PTPRH: variants seen among roughly 807,000 people sequenced by gnomAD.
PTPRH encodes receptor-type tyrosine-protein phosphatase H.
In PTPRH, 113 loss-of-function variants were observed where a neutral mutation model predicts 130.2. The ratio of observed to expected loss-of-function variants is 0.87; its 90% CI spans 0.75 to 1.01. PTPRH has a LOEUF of 1.01. PTPRH is among the 50% of genes least tolerant of loss of function. The pLI is 0.00. For missense variants in PTPRH, 1,430 were observed against 1,425.0 expected, an observed-to-expected ratio of 1.00 and a Z score of -0.06; for synonymous variants, 556 against 577.9, an observed-to-expected ratio of 0.96 and a Z score of 0.54.
intron 15 of PTPRH, 37 bp downstream of exon 15, chr19:55,186,427 G>C (rs111326663): frequency 0.099 from 159,529 of 1,613,530 alleles, 8,790 homozygotes; most frequent in African/African-American, 0.18. Context: ...CTCTCCAGGC[G>C]TGCTGGGCAC....
At position 55,188,180 on chromosome 19, in the gene PTPRH, G is replaced by T. The variant is rs1049086032; in HGVS notation, c.2385-12C>A. The T allele has an allele frequency of 1.2e-6, 2 of 1,606,186 alleles. No individual in the cohort carries two copies. Among genetic ancestry groups the T allele is most frequent in the Non-Finnish European group, 1.7e-6 (2 of 1,172,862 alleles). On this transcript the variant is annotated splice_polypyrimidine_tract_variant and intron_variant, in intron 12 of 19. Coordinates refer to ENST00000376350, the MANE Select transcript of PTPRH (RefSeq NM_002842.5). ...TGTCCCCTGGGGAGCTACGGGTTTT[G>T]GGGGAGCAGGGAGAAAAGACCGTAA...
rs762618912 is a variant in PTPRH, at chr19:55,206,751, CACGTAT to C, written c.284_289del (p.Tyr95_Thr96del). 7.0e-5 allele frequency: 113 copies of C among 1,614,028 alleles called. No individual in the cohort carries two copies. The East Asian group carries it at 2.4e-3, about 34-fold the overall frequency. ...TCCGTCTTTCTCCACCCACACAGAA[CACGTAT>C]ACAATGACCCGGGTCCAAGGCCATC... On this transcript the variant is annotated inframe_deletion, in exon 3 of 20. Coordinates refer to ENST00000376350, the MANE Select transcript of PTPRH (RefSeq NM_002842.5).
At chr19:55,187,313 C>A (rs2086379535) in intron 14 of PTPRH, among the ~76,000 whole-genome samples, 200 bp downstream of exon 14, 1 of 128,856 alleles carries the variant, frequency 7.8e-6, no homozygotes, top group Admixed American at 8.5e-5. Flanking sequence ...CCACTGCACT[C>A]CAGCCTGGGT....
rs376260119 is a variant in PTPRH at position 55,187,448 on chromosome 19, G to A, written c.2566+65C>T. ...TGTTTCTCAAAGCGGGTAGGAGAAGGGGACTGGGGTGGGGTGCCGACTAGA... is the reference window on the plus strand; with the variant it reads ...TGTTTCTCAAAGCGGGTAGGAGAAGAGGACTGGGGTGGGGTGCCGACTAGA... On this transcript the variant is annotated intron_variant, in intron 14 of 19. Coordinates refer to ENST00000376350, the MANE Select transcript of PTPRH (RefSeq NM_002842.5). 7 of 1,332,676 alleles carry A rather than the reference G, an allele frequency of 5.3e-6. No individual in the cohort carries two copies. In the African/African-American group the frequency reaches 8.7e-5, roughly 17 times the overall value. 82.6% of individuals were successfully genotyped at this position (1,332,676 alleles called of 1,614,324 possible). A position where few individuals can be genotyped will look rare whatever the true frequency, so the allele number is the denominator to read the frequency against.
chr19:55,209,358 C>A lies in PTPRH; in HGVS notation c.51+25G>T, dbSNP rs2087168770. 3.9e-6 allele frequency: 6 copies of A among 1,557,834 alleles called. No individual in the cohort carries two copies. The highest frequency in any genetic ancestry group is 1.7e-4 in the Middle Eastern group (1 of 5,990). On this transcript the variant is annotated intron_variant, in intron 1 of 19. Coordinates refer to ENST00000376350, the MANE Select transcript of PTPRH (RefSeq NM_002842.5). This position sits in a 1 kb window ranked among gnomAD's most constrained non-coding sequence, Gnocchi z 4.1. ...GACCTGGGAGTCCCTGCCTTGGGAG[C>A]CCGCTCTGGGCGGGGAGCACTTACC...
intron 14 of PTPRH, 100 bp from the exon 15 acceptor site, chr19:55,186,640 A>ACAGGCAGTG (rs1555875420): frequency 8.7e-7 from 1 of 1,155,872 alleles, no homozygotes; most frequent in Non-Finnish European, 1.2e-6. Context: ...AGACAAGACC[A>ACAGGCAGTG]AGACCCATGG....
chr19:55,186,624 G>A, intron 14 of PTPRH, 84 bp from the exon 15 acceptor site: 2 of 1,469,982 alleles, frequency 1.4e-6, no homozygotes, highest in South Asian at 1.2e-5. Flanking sequence ...ACCCAGAGAG[G>A]CACAGAGACA....
chr19:55,209,240 C>T lies in PTPRH; in HGVS notation c.51+143G>A, dbSNP rs2087166351. On this transcript the variant is annotated intron_variant, in intron 1 of 19. Coordinates refer to ENST00000376350, the MANE Select transcript of PTPRH (RefSeq NM_002842.5). This position sits in a 1 kb window ranked among gnomAD's most constrained non-coding sequence, Gnocchi z 4.1. ...CAGGTGTAAGACTCTCCTACAGTCT[C>T]TGCCAAGCCTGAAGCCCTCTTCCTT... The T allele has an allele frequency of 1.3e-6, 1 of 750,046 alleles. No individual in the cohort carries two copies. The highest frequency in any genetic ancestry group is 2.3e-6 in the Non-Finnish European group (1 of 429,882). 46.5% of individuals were successfully genotyped at this position (750,046 alleles called of 1,614,324 possible). A position where few individuals can be genotyped will look rare whatever the true frequency, so the allele number is the denominator to read the frequency against.
Position 55,198,911 on chromosome 19 carries a change from G to T in PTPRH, c.1422C>A (p.Val474=), listed in dbSNP as rs773617554. ...TGCTGAGGCTTGTCACTGCGTTGGGGACTGGGAGAGGGAGCAGAGTCAGGA... is the reference window on the plus strand; with the variant it reads ...TGCTGAGGCTTGTCACTGCGTTGGGTACTGGGAGAGGGAGCAGAGTCAGGA... The part of the protein sequence containing the change: ...GSRQNVSIST[V]PNAVTSLSKQ... The change falls in exon 8 of 20, where the codon GTC becomes GTA. Residue 474 remains valine (V), a splice_region_variant and synonymous_variant. Transcript: ENST00000376350. The T allele has an allele frequency of 6.6e-5, 99 of 1,508,932 alleles. No individual in the cohort carries two copies. The highest frequency in any genetic ancestry group is 8.3e-5 in the Non-Finnish European group (93 of 1,125,974). 93.5% of individuals were successfully genotyped at this position (1,508,932 alleles called of 1,614,324 possible).
chr19:55,186,347 G>A lies in PTPRH; in HGVS notation c.2656C>T (p.Pro886Ser). Reference protein sequence around the residue: ...NASFMPGLWSPQEFIATQGPL... With the variant: ...NASFMPGLWSSQEFIATQGPL... ...CCCTGGGTTGCAATGAACTCCTGGGGGCTCCAGAGACCCTGGTTGAGGAAG... is the reference window on the plus strand; with the variant it reads ...CCCTGGGTTGCAATGAACTCCTGGGAGCTCCAGAGACCCTGGTTGAGGAAG... Residue 886 changes from proline to serine, a missense_variant, in exon 16 of 20, where the codon CCC (proline) becomes TCC (serine). Physicochemically the swap from Pro to Ser is moderately conservative, Grantham distance 74. Transcript: ENST00000376350. The A allele has an allele frequency of 6.2e-7, 1 of 1,613,840 alleles. No homozygotes were observed. Among genetic ancestry groups the A allele is most frequent in the Non-Finnish European group, 8.5e-7 (1 of 1,179,868 alleles).
At position 55,198,651 on chromosome 19, in the gene PTPRH, G is replaced by T. The variant is rs1028422816; in HGVS notation, c.1682C>A (p.Ala561Glu). The T allele has an allele frequency of 6.2e-7, 1 of 1,603,976 alleles. No individual in the cohort carries two copies. Among genetic ancestry groups the T allele is most frequent in the Non-Finnish European group, 8.5e-7 (1 of 1,173,850 alleles). Residue 561 changes from alanine to glutamate, a missense_variant, in exon 8 of 20, where the codon GCA becomes GAA. Ala to Glu is a moderately radical substitution (Grantham distance 107). Transcript: ENST00000376350. ...AACCGACTGTGTCTCACCAGTGGCT[G>T]CAGTGAGGGTGCTGTTATAGCCTCT... The part of the protein sequence containing the change: ...EVRGYNSTLT[A>E]ATAPNEVTDL...
rs112947122 is a variant in PTPRH at position 55,202,394 on chromosome 19, A to G, written c.887-72T>C. 3.9e-3 allele frequency: 6,223 copies of G among 1,581,550 alleles called. 186 individuals carry two copies. In the African/African-American group the frequency reaches 0.068, roughly 17 times the overall value. On this transcript the variant is annotated intron_variant, in intron 5 of 19. Transcript: ENST00000376350. ...CAAACTTTCCAGCCCTTCCTTAACC[A>G]TTGCATCCAGCAGGTGGAGGCAGGG... is the stretch of plus-strand genomic sequence containing the variant.
intron 7 of PTPRH, 69 bp from the exon 8 acceptor site, chr19:55,198,981 G>A (rs1011037008): frequency 6.6e-5 from 91 of 1,370,942 alleles, no homozygotes; most frequent in Non-Finnish European, 7.9e-5. Context: ...ACAGTGATAC[G>A]CCCTGTCCTT....
intron 7 of PTPRH, 114 bp downstream of exon 7, chr19:55,200,122 A>T (rs1279197521): frequency 3.3e-6 from 4 of 1,205,670 alleles, no homozygotes; most frequent in Non-Finnish European, 3.5e-6. Context: ...TTGGAGAGGC[A>T]GATGTCTGCA....
At chr19:55,199,789 GAAAAA>G (rs938216202) in intron 7 of PTPRH, among the ~76,000 whole-genome samples, 5 of 143,394 alleles carry the variant, frequency 3.5e-5, no homozygotes, top group African/African-American at 1.3e-4. Flanking sequence ...GAGAGAGACA[GAAAAA>G]AAGAAAGAAA....
At position 55,205,584 on chromosome 19, in the gene PTPRH, G is replaced by A; in HGVS notation, c.361C>T (p.Pro121Ser). Residue 121 changes from proline to serine, a missense_variant, in exon 4 of 20, where the codon CCA (proline) becomes TCA (serine). Transcript: ENST00000376350. ...GCCTCCACTCTCAGGTTCCTCACTG[G>A]GTTGGGAGCTGAAAACCAGCACAGG... ...GTVTTATAPN[P>S]VRNLRVEAQT... 6.2e-7 allele frequency: 1 copy of A among 1,614,086 alleles called. No individual in the cohort carries two copies. Among genetic ancestry groups the A allele is most frequent in the Non-Finnish European group, 8.5e-7 (1 of 1,179,960 alleles).
intron 7 of PTPRH, 145 bp downstream of exon 7, chr19:55,200,091 G>A (rs1017985944): frequency 9.7e-5 from 93 of 954,588 alleles, no homozygotes; most frequent in Admixed American, 9.7e-4. Context: ...CCCCAGCTGT[G>A]ATTACATCTG....
intron 12 of PTPRH, among the ~76,000 whole-genome samples, chr19:55,188,468 G>A (rs373656441): frequency 2.6e-5 from 4 of 152,180 alleles, no homozygotes; most frequent in East Asian, 3.9e-4. Flanking sequence ...AACCGAGATC[G>A]CACCACTGCA....
At chr19:55,200,625 G>C in intron 6 of PTPRH, 123 bp from the exon 7 acceptor site, 1 of 1,099,864 alleles carries the variant, frequency 9.1e-7, no homozygotes, top group East Asian at 2.4e-5. Context: ...AGCAGATGCA[G>C]GGTGTATGTT....
Sources: gnomAD v4.1 joint callset for allele counts (sites outside exome capture counted in the v4.1 genomes callset) on GRCh38, gnomAD v4.1.1 for gene constraint, Gnocchi (gnomAD v3.1) non-coding constraint, MANE v1.5 for transcripts, NCBI Gene and HGNC (gene_info 2026-07-23, HGNC 2026-07-21) for gene names.